Variants in RNLS observed in about 807,000 individuals in gnomAD.
The protein encoded by RNLS is renalase.
A neutral mutation model predicts 39.8 loss-of-function variants in RNLS; 39 were observed. That is an observed-to-expected ratio of 0.98 (90% confidence interval 0.76 to 1.28). RNLS has a LOEUF of 1.28. Ranked by LOEUF, RNLS falls within the 50% of genes most tolerant of loss-of-function variation. The pLI, the probability that RNLS is intolerant of heterozygous loss-of-function variation, is 0.00. For missense variants in RNLS, 410 were observed against 413.3 expected, an observed-to-expected ratio of 0.99 and a Z score of 0.07; for synonymous variants, 147 against 150.7, an observed-to-expected ratio of 0.98 and a Z score of 0.18.
intron 4 of RNLS, among the ~76,000 whole-genome samples, chr10:88,551,605 A>C (rs1366209626): frequency 1.3e-5 from 2 of 152,164 alleles, no homozygotes; most frequent in Admixed American, 1.3e-4. Context: ...AGTGCTTGTG[A>C]TCATAATACA....
At chr10:88,515,414 G>T (rs1846355845) in intron 4 of RNLS, among the ~76,000 whole-genome samples, 1 of 151,962 alleles carries the variant, frequency 6.6e-6, no homozygotes. Flanking sequence ...TCTTGTATAT[G>T]TTGCTTCTTC....
intron 4 of RNLS, among the ~76,000 whole-genome samples, chr10:88,541,278 G>A (rs1243696523): frequency 6.6e-6 from 1 of 152,132 alleles, no homozygotes; most frequent in Non-Finnish European, 1.5e-5. Flanking sequence ...CGATCGAAAG[G>A]AACGACATAT....
chr10:88,340,852 G>A (rs1227967496), intron 5 of RNLS, among the ~76,000 whole-genome samples: 1 of 152,004 alleles, frequency 6.6e-6, no homozygotes, highest in Non-Finnish European at 1.5e-5. Context: ...ACGAGGTCAG[G>A]AGTTCGAGAC....
At chr10:88,501,497 A>G (rs1000020488) in intron 4 of RNLS, among the ~76,000 whole-genome samples, 2 of 152,146 alleles carry the variant, frequency 1.3e-5, no homozygotes, top group Non-Finnish European at 2.9e-5. Context: ...TGAATTCTCA[A>G]TAGTGTGGAT....
chr10:88,439,606 G>C (rs1173781051), intron 4 of RNLS, among the ~76,000 whole-genome samples: 1 of 152,202 alleles, frequency 6.6e-6, no homozygotes, highest in Non-Finnish European at 1.5e-5. Context: ...GGCATCTCTT[G>C]AGACATTTGT....
At chr10:88,342,071 T>C (rs17111200) in intron 5 of RNLS, among the ~76,000 whole-genome samples, 21,391 of 152,172 alleles carry the variant, frequency 0.14, 1,688 homozygotes, top group East Asian at 0.34. Flanking sequence ...TTTTGGTCAA[T>C]GGATTAGGAG....
the RNLS span, among the ~76,000 whole-genome samples, chr10:88,225,802 T>C: frequency 2.0e-5 from 3 of 152,212 alleles, no homozygotes; most frequent in African/African-American, 7.2e-5. Context: ...AGTTATTTAA[T>C]TAAAAGTAAT....
intron 4 of RNLS, among the ~76,000 whole-genome samples, chr10:88,381,773 A>C (rs1851514227): frequency 6.6e-6 from 1 of 151,598 alleles, no homozygotes; most frequent in Non-Finnish European, 1.5e-5. Flanking sequence ...CTTTATACTT[A>C]GTTACCTAGA....
intron 4 of RNLS, among the ~76,000 whole-genome samples, chr10:88,394,488 A>T (rs893109298): frequency 3.3e-5 from 5 of 152,234 alleles, no homozygotes; most frequent in African/African-American, 1.2e-4. Context: ...TCAAAACCAC[A>T]ATGAGATACC....
At chr10:88,562,439 C>T (rs932325536) in intron 4 of RNLS, among the ~76,000 whole-genome samples, 10 of 152,058 alleles carry the variant, frequency 6.6e-5, no homozygotes, top group Admixed American at 3.3e-4. Context: ...TTAGAAGGCA[C>T]GCACAGTCAT....
chr10:88,370,994 T>G (rs1394570069), intron 4 of RNLS, among the ~76,000 whole-genome samples: 1 of 152,072 alleles, frequency 6.6e-6, no homozygotes, highest in East Asian at 1.9e-4. Context: ...AGCAGTTATA[T>G]CTATGTGGGA....
At chr10:88,543,513 G>A (rs763111384) in intron 4 of RNLS, among the ~76,000 whole-genome samples, 50 of 152,132 alleles carry the variant, frequency 3.3e-4, no homozygotes, top group Non-Finnish European at 4.7e-4. Context: ...GGGCTGTCTA[G>A]TTGTGAAAGT....
At chr10:88,381,767 A>ATACT (rs1327850056) in intron 4 of RNLS, among the ~76,000 whole-genome samples, 2 of 151,670 alleles carry the variant, frequency 1.3e-5, no homozygotes, top group Middle Eastern at 3.4e-3. Flanking sequence ...AATCTACTTT[A>ATACT]TACTTAGTTA....
chr10:88,355,730 C>T (rs1849114419), intron 5 of RNLS, among the ~76,000 whole-genome samples: 1 of 152,158 alleles, frequency 6.6e-6, no homozygotes, highest in Non-Finnish European at 1.5e-5. Flanking sequence ...CCACTACTCT[C>T]TTCAAAGCTG....
intron 4 of RNLS, among the ~76,000 whole-genome samples, chr10:88,396,584 T>C (rs1287573603): frequency 6.6e-6 from 1 of 151,052 alleles, no homozygotes; most frequent in African/African-American, 2.4e-5. Context: ...GAATAAAAAA[T>C]GACTTAAGAC....
At chr10:88,363,725 T>C (rs1342600998) in intron 4 of RNLS, among the ~76,000 whole-genome samples, 2 of 152,052 alleles carry the variant, frequency 1.3e-5, no homozygotes, top group African/African-American at 2.4e-5. Flanking sequence ...AGGTAAATAA[T>C]AGGAAAAGCC....
chr10:88,498,233 T>C (rs1283725881), intron 4 of RNLS, among the ~76,000 whole-genome samples: 1 of 151,830 alleles, frequency 6.6e-6, no homozygotes, highest in South Asian at 2.1e-4. Context: ...ATGTGTCTCC[T>C]TAACATAAAG....
chr10:88,531,309 GA>G (rs1323737268), intron 4 of RNLS, among the ~76,000 whole-genome samples: 1,652 of 126,710 alleles, frequency 0.013, 22 homozygotes, highest in African/African-American at 0.039. Flanking sequence ...TTGAAGTACT[GA>G]AAAAAAAAAA....
At chr10:88,393,812 C>A (rs1852369094) in intron 4 of RNLS, among the ~76,000 whole-genome samples, 1 of 152,162 alleles carries the variant, frequency 6.6e-6, no homozygotes, top group Non-Finnish European at 1.5e-5. Context: ...GCTACAGTAA[C>A]CAAAACAGCA....
Sources: gnomAD v4.1 joint callset for allele counts (sites outside exome capture counted in the v4.1 genomes callset) on GRCh38, gnomAD v4.1.1 for gene constraint, MANE v1.5 for transcripts, NCBI Gene and HGNC (gene_info 2026-07-23, HGNC 2026-07-21) for gene names.